The following FGGY variants were observed in gnomAD, a reference collection of about 807,000 sequenced individuals.
The protein encoded by FGGY is FGGY carbohydrate kinase domain-containing protein.
FGGY carries 72 observed loss-of-function variants against 71.3 expected under a neutral mutation model. The ratio of observed to expected loss-of-function variants is 1.01; its 90% CI spans 0.84 to 1.23. FGGY has a LOEUF of 1.23. FGGY is among the 50% of genes most tolerant of loss of function. The pLI, the probability that FGGY is intolerant of heterozygous loss-of-function variation, is 0.00. For missense variants in FGGY, 668 were observed against 682.3 expected (o/e 0.98, Z 0.23); for synonymous variants, 251 against 250.3 (o/e 1.00, Z -0.02).
chr1:59,579,470 C>T (rs1276083952), intron 8 of FGGY, among the ~76,000 whole-genome samples: 3 of 152,192 alleles, frequency 2.0e-5, no homozygotes, highest in Non-Finnish European at 2.9e-5. Context: ...TTTAGCATGT[C>T]AAAAGCCTAA....
At chr1:59,683,233 G>A (rs1319428391) in intron 14 of FGGY, among the ~76,000 whole-genome samples, 6 of 152,118 alleles carry the variant, frequency 3.9e-5, no homozygotes, top group African/African-American at 1.4e-4. Context: ...CAAGAAACAG[G>A]GCCAGAAAGT....
chr1:59,401,574 C>T (rs915791849), intron 5 of FGGY, among the ~76,000 whole-genome samples: 8 of 152,110 alleles, frequency 5.3e-5, no homozygotes, highest in African/African-American at 1.4e-4. Context: ...TTTAGAGATA[C>T]GGAAAATGTT....
chr1:59,641,249 TA>T (rs1553361223), intron 11 of FGGY: 2 of 1,584,424 alleles, frequency 1.3e-6, no homozygotes, highest in Non-Finnish European at 1.7e-6. Flanking sequence ...ATCTTAATAA[TA>T]AAAAAAGAAA....
intron 9 of FGGY, among the ~76,000 whole-genome samples, chr1:59,619,406 T>C (rs539722406): frequency 6.6e-6 from 1 of 152,034 alleles, no homozygotes; most frequent in Admixed American, 6.6e-5. Flanking sequence ...AGCTTGTGAG[T>C]TCAGATGGGA....
chr1:59,550,326 C>T (rs2095588752), intron 7 of FGGY, among the ~76,000 whole-genome samples: 1 of 152,012 alleles, frequency 6.6e-6, no homozygotes, highest in African/African-American at 2.4e-5. Context: ...TCTTGCTTTT[C>T]CCTGCTTATC....
At chr1:59,580,283 A>G (rs75747991) in intron 8 of FGGY, among the ~76,000 whole-genome samples, 1 of 152,132 alleles carries the variant, frequency 6.6e-6, no homozygotes. Context: ...AGTGCCTTGC[A>G]TGTAATAGAC....
At chr1:59,720,634 C>T (rs538238441) in intron 14 of FGGY, among the ~76,000 whole-genome samples, 1 of 152,208 alleles carries the variant, frequency 6.6e-6, no homozygotes, top group African/African-American at 2.4e-5. Context: ...ATGCCTTAGG[C>T]ATCTTCCAGG....
intron 5 of FGGY, among the ~76,000 whole-genome samples, chr1:59,406,136 C>A (rs572794576): frequency 1.3e-5 from 2 of 150,470 alleles, no homozygotes; most frequent in Non-Finnish European, 3.0e-5. Flanking sequence ...TTTGCAGATT[C>A]TTTGTTTGCA....
intron 14 of FGGY, among the ~76,000 whole-genome samples, chr1:59,742,316 G>A (rs2098157351): frequency 6.6e-6 from 1 of 152,160 alleles, no homozygotes; most frequent in African/African-American, 2.4e-5. Flanking sequence ...AGGCATTGCT[G>A]AGCCCAAAGG....
chr1:59,315,298 C>A (rs925222285), intron 1 of FGGY, among the ~76,000 whole-genome samples: 1 of 151,810 alleles, frequency 6.6e-6, no homozygotes, highest in East Asian at 1.9e-4. Flanking sequence ...CCCCTCCTCC[C>A]ATCAATCAAA....
In FGGY at chr1:59,430,615, C is replaced by T. The variant is rs531696993; in HGVS notation, c.555-26346C>T. On this transcript the variant is annotated intron_variant, in intron 5 of 15. Coordinates refer to ENST00000303721, the MANE Select transcript of FGGY (RefSeq NM_018291.5). ...GTTTTGAGACTTTGCCCAGCTGCCT[C>T]TATTCCCTAGTATGTAGACTTAATA... Among the ~76,000 whole-genome samples the T allele has an allele frequency of 3.3e-5, 5 of 152,256 alleles. No homozygotes were observed. In the South Asian group the frequency reaches 1.0e-3, roughly 32 times the overall value.
At chr1:59,659,170 C>G (rs542471892) in intron 11 of FGGY, among the ~76,000 whole-genome samples, 131 of 152,268 alleles carry the variant, frequency 8.6e-4, no homozygotes, top group African/African-American at 3.1e-3. Context: ...CCACTGCACT[C>G]CAGCCTGGGA....
chr1:59,338,792 A>G (rs1217842396), intron 2 of FGGY, among the ~76,000 whole-genome samples: 1 of 152,186 alleles, frequency 6.6e-6, no homozygotes, highest in African/African-American at 2.4e-5. Context: ...CTTCTTCTAT[A>G]TATAACTTTA....
intron 1 of FGGY, among the ~76,000 whole-genome samples, chr1:59,308,128 G>C (rs554335672): frequency 6.6e-6 from 1 of 152,328 alleles, no homozygotes; most frequent in Non-Finnish European, 1.5e-5. Flanking sequence ...TATGGTCAGT[G>C]CCTCTTAATG....
intron 7 of FGGY, among the ~76,000 whole-genome samples, chr1:59,516,034 C>A (rs894248565): frequency 6.6e-6 from 1 of 152,132 alleles, no homozygotes; most frequent in Non-Finnish European, 1.5e-5. Flanking sequence ...TCCATGATGA[C>A]GGGTTGATAC....
At chr1:59,659,814 G>C (rs779046030) in intron 11 of FGGY, among the ~76,000 whole-genome samples, 1 of 152,162 alleles carries the variant, frequency 6.6e-6, no homozygotes, top group African/African-American at 2.4e-5. Context: ...ACTGAAGTCT[G>C]ACAGTAGCAG....
intron 7 of FGGY, among the ~76,000 whole-genome samples, chr1:59,549,219 G>A (rs1177844784): frequency 6.6e-6 from 1 of 152,132 alleles, no homozygotes; most frequent in African/African-American, 2.4e-5. Flanking sequence ...TCCTCTCCAG[G>A]AACTCCAGAA....
intron 5 of FGGY, among the ~76,000 whole-genome samples, chr1:59,420,327 G>A (rs1171714872): frequency 1.3e-5 from 2 of 152,206 alleles, no homozygotes; most frequent in East Asian, 3.8e-4. Flanking sequence ...TACAGATAGA[G>A]GTGATAACAT....
intron 14 of FGGY, among the ~76,000 whole-genome samples, chr1:59,684,166 G>A (rs1452249685): frequency 1.3e-5 from 2 of 152,348 alleles, no homozygotes; most frequent in Middle Eastern, 3.4e-3. Context: ...GGAATTCCCA[G>A]TCTACTGGTG....
Sources: allele counts gnomAD v4.1 joint callset (sites outside exome capture counted in the v4.1 genomes callset), GRCh38; gene constraint gnomAD v4.1.1; transcripts MANE v1.5; gene names NCBI Gene and HGNC (gene_info 2026-07-23, HGNC 2026-07-21).